The following NRAP variants were observed in gnomAD, a reference collection of about 807,000 sequenced individuals.
The protein encoded by NRAP is nebulin-related-anchoring protein.
NRAP carries 189 observed loss-of-function variants against 225.9 expected under a neutral mutation model. That is an observed-to-expected ratio of 0.84 (90% CI 0.74 to 0.94). NRAP has a LOEUF of 0.94. Among genes scored for constraint, NRAP ranks in the 40% least tolerant of loss-of-function variants. NRAP has a pLI of 0.00. For missense variants in NRAP, 2,176 were observed against 2,168.7 expected (o/e 1.00, Z -0.07); for synonymous variants, 769 against 790.7 (o/e 0.97, Z 0.46).
chr10:113,661,534 T>G (rs1472939422), intron 3 of NRAP, among the ~76,000 whole-genome samples: 1 of 152,100 alleles, frequency 6.6e-6, no homozygotes, highest in Non-Finnish European at 1.5e-5. Context: ...TTTCACCTCA[T>G]GGGTAATTTT....
At chr10:113,615,379 C>A (rs1345649131) in intron 27 of NRAP, among the ~76,000 whole-genome samples, 2 of 152,106 alleles carry the variant, frequency 1.3e-5, no homozygotes, top group African/African-American at 4.8e-5. Flanking sequence ...CCAAGTCTTC[C>A]CTTGGTATAG....
intron 1 of NRAP, 81 bp from the exon 2 acceptor site, chr10:113,663,527 A>G: frequency 1.1e-6 from 1 of 893,500 alleles, no homozygotes; most frequent in Non-Finnish European, 1.8e-6. Flanking sequence ...GGGTAAAAAA[A>G]TGAACTTCGA....
intron 16 of NRAP, 112 bp from the exon 17 acceptor site, chr10:113,632,076 C>T (rs1434898850): frequency 1.3e-5 from 9 of 698,478 alleles, no homozygotes; most frequent in Non-Finnish European, 2.1e-5. Flanking sequence ...ACCAGAGGCT[C>T]GGCTGTTGTT....
chr10:113,634,444 A>T (rs1011279795), intron 14 of NRAP, among the ~76,000 whole-genome samples: 3 of 152,208 alleles, frequency 2.0e-5, no homozygotes, highest in African/African-American at 7.2e-5. Flanking sequence ...CTGGCCAGTG[A>T]ACATACAGAA....
At chr10:113,621,840 A>G in intron 24 of NRAP, 29 bp downstream of exon 24, 2 of 1,575,596 alleles carry the variant, frequency 1.3e-6, no homozygotes, top group African/African-American at 1.3e-5. Flanking sequence ...ACATACACAC[A>G]CAAGTGCACA....
intron 18 of NRAP, among the ~76,000 whole-genome samples, chr10:113,631,172 C>T (rs1340985102): frequency 1.3e-5 from 2 of 152,222 alleles, no homozygotes; most frequent in Non-Finnish European, 2.9e-5. Context: ...TTATTATGCG[C>T]TGTTCATTCT....
intron 22 of NRAP, among the ~76,000 whole-genome samples, 154 bp from the exon 23 acceptor site, chr10:113,623,790 A>T (rs1465716951): frequency 6.6e-6 from 1 of 152,186 alleles, no homozygotes; most frequent in Non-Finnish European, 1.5e-5. Context: ...GTCTGAATAC[A>T]GCCAGGCCTT....
At position 113,640,285 on chromosome 10, in the gene NRAP, T is replaced by C. The variant is rs79524331; in HGVS notation, c.1370A>G (p.Tyr457Cys). The change falls in exon 14 of 42, where the codon TAC (tyrosine) becomes TGC (cysteine). Residue 457 changes from tyrosine (Y) to cysteine (C), a missense_variant. By Grantham distance (194) the Tyr-to-Cys change is radical. Coordinates refer to ENST00000359988, the MANE Select transcript of NRAP (RefSeq NM_198060.4). ...DYKHDIVDYN[Y>C]PATLTPSYQT... ...ATAGGAAGGCGTGAGAGTGGCTGGG[T>C]AGTTGTAGTCGACAATATCATGTTT... The C allele has an allele frequency of 6.3e-7, 1 of 1,592,536 alleles. No homozygotes were observed. The highest frequency in any genetic ancestry group is 8.5e-7 in the Non-Finnish European group (1 of 1,171,608).
At chr10:113,631,755 G>A (rs900171598) in intron 17 of NRAP, 102 bp downstream of exon 17, 26 of 898,358 alleles carry the variant, frequency 2.9e-5, no homozygotes, top group African/African-American at 1.3e-4. Flanking sequence ...AAAGTATTGC[G>A]ATGTTTACAA....
rs779837692 is a variant in NRAP at position 113,623,511 on chromosome 10, A to G, written c.2457+18T>C. 2 of 1,552,794 alleles carry G rather than the reference A, an allele frequency of 1.3e-6. No homozygotes were observed. Among genetic ancestry groups the G allele is most frequent in the South Asian group, 2.2e-5 (2 of 89,442 alleles). On this transcript the variant is annotated intron_variant, in intron 23 of 41. Transcript: ENST00000359988. ...GCAGGATTCTGCGGTCTCTTGTACA[A>G]GGTGGGGACAGACTCACCTCGCTAG...
Position 113,633,187 on chromosome 10 carries a change from A to G in NRAP, c.1529T>C (p.Val510Ala). 6.5e-7 allele frequency: 1 copy of G among 1,540,072 alleles called. No individual in the cohort carries two copies. Among genetic ancestry groups the G allele is most frequent in the Non-Finnish European group, 9.0e-7 (1 of 1,112,716 alleles). The change falls in exon 16 of 42, where the codon GTG becomes GCG. Residue 510 changes from valine to alanine, a missense_variant and splice_region_variant. By Grantham distance (64) the Val-to-Ala change is moderately conservative. Around this residue, in one of 3 missense-constraint regions of NRAP, gnomAD observed 1,708 missense variants for 1,695.5 expected, o/e 1.01. Transcript: ENST00000359988. ...AKINAQQLSHVNYRADYEKNK... is the reference protein window; with the variant it reads ...AKINAQQLSHANYRADYEKNK... Reference sequence around the variant, plus strand: ...TTTCTCATAGTCAGCACGGTAATTCACCTGTTGGATTTAAAATAAATCTGT... The same window carrying G: ...TTTCTCATAGTCAGCACGGTAATTCGCCTGTTGGATTTAAAATAAATCTGT...
At chr10:113,615,095 C>A in intron 27 of NRAP, 149 bp from the exon 28 acceptor site, 2 of 635,968 alleles carry the variant, frequency 3.1e-6, no homozygotes, top group Non-Finnish European at 2.9e-6. Flanking sequence ...TTAGCTAAAC[C>A]CACGTGAGTT....
At chr10:113,591,383 C>CA (rs1845982180) in intron 39 of NRAP, among the ~76,000 whole-genome samples, 1 of 152,192 alleles carries the variant, frequency 6.6e-6, no homozygotes, top group Non-Finnish European at 1.5e-5. Context: ...ATCAAAGACC[C>CA]ATGTATGGTC....
chr10:113,614,369 G>C, intron 28 of NRAP, 73 bp from the exon 29 acceptor site: 1 of 1,064,552 alleles, frequency 9.4e-7, no homozygotes, highest in East Asian at 2.4e-5. Flanking sequence ...GTGGGCATTG[G>C]GTGAAAATGT....
intron 38 of NRAP, 36 bp downstream of exon 38, chr10:113,595,587 G>C: frequency 2.3e-6 from 3 of 1,315,170 alleles, no homozygotes; most frequent in Non-Finnish European, 3.3e-6. Flanking sequence ...TTTTACAAAA[G>C]TGGGCACACG....
rs151242286 is a variant in NRAP, at chr10:113,657,579, T to C, written c.256-5A>G. 81 of 1,425,020 alleles carry C rather than the reference T, an allele frequency of 5.7e-5. 1 individual carries two copies. The African/African-American group carries it at 9.2e-4, about 16-fold the overall frequency. 88.3% of individuals were successfully genotyped at this position (1,425,020 alleles called of 1,614,324 possible). On this transcript the variant is annotated splice_region_variant and splice_polypyrimidine_tract_variant and intron_variant, in intron 3 of 41. Coordinates refer to ENST00000359988, the MANE Select transcript of NRAP (RefSeq NM_198060.4). The stretch of plus-strand genomic sequence containing the variant: ...ACCATCTTCTTGGTCATGGATCTGC[T>C]CAAGGAAGATGTTGTCAGTAATGTT...
Position 113,597,090 on chromosome 10 carries a change from T to C in NRAP, c.4427A>G (p.Asn1476Ser), listed in dbSNP as rs1846324567. Reference protein sequence around the residue: ...VHAKNSYMHCNERMYRSGDAE... With the variant: ...VHAKNSYMHCSERMYRSGDAE... ...GAATGACAAGAAAGGACCCACCTCA[T>C]TGCAGTGCATATAGCTGTTCTTGGC... Residue 1476 changes from asparagine to serine, a missense_variant, in exon 37 of 42, where the codon AAT (asparagine) becomes AGT (serine). This residue lies in a region of NRAP where 445 missense variants were observed against 426.1 expected (regional missense o/e 1.04). Transcript: ENST00000359988. 3.1e-6 allele frequency: 5 copies of C among 1,606,444 alleles called. No individual in the cohort carries two copies. Among genetic ancestry groups the C allele is most frequent in the Non-Finnish European group, 4.3e-6 (5 of 1,173,104 alleles).
chr10:113,619,956 G>A (rs940462454), intron 25 of NRAP, among the ~76,000 whole-genome samples: 2 of 152,172 alleles, frequency 1.3e-5, no homozygotes, highest in African/African-American at 4.8e-5. Flanking sequence ...AGGACGTCCT[G>A]CTAAACATCC....
chr10:113,628,042 A>T (rs2134015789), intron 20 of NRAP, among the ~76,000 whole-genome samples: 1 of 152,324 alleles, frequency 6.6e-6, no homozygotes, highest in South Asian at 2.1e-4. Flanking sequence ...AGTTCCTGAA[A>T]TAGTGACACT....
Sources: allele counts gnomAD v4.1 joint callset (sites outside exome capture counted in the v4.1 genomes callset), GRCh38; gene constraint gnomAD v4.1.1; regional missense constraint gnomAD v4.1.1; transcripts MANE v1.5; gene names NCBI Gene and HGNC (gene_info 2026-07-23, HGNC 2026-07-21).